Variants in SPNS2 observed in about 807,000 individuals in gnomAD.
The protein encoded by SPNS2 is sphingosine-1-phosphate transporter SPNS2.
A neutral mutation model predicts 57.6 loss-of-function variants in SPNS2; 37 were observed. The ratio of observed to expected loss-of-function variants is 0.64; its 90% CI spans 0.49 to 0.85. The LOEUF is 0.85. SPNS2 is among the 40% of genes least tolerant of loss of function. The pLI, the probability that SPNS2 is intolerant of heterozygous loss-of-function variation, is 0.00. For missense variants in SPNS2, 831 were observed against 779.1 expected (o/e 1.07, Z -0.79); for synonymous variants, 440 against 346.9 (o/e 1.27, Z -2.98).
At chr17:4,536,030 G>A (rs372928162) in intron 9 of SPNS2, 46 bp from the exon 10 acceptor site, 51 of 1,566,714 alleles carry the variant, frequency 3.3e-5, no homozygotes, top group Admixed American at 5.1e-5. Context: ...GGCCAAGCGC[G>A]TGAGCCTTTC....
chr17:4,521,941 G>A (rs530608274), intron 2 of SPNS2, among the ~76,000 whole-genome samples: 53 of 152,354 alleles, frequency 3.5e-4, no homozygotes, highest in African/African-American at 1.2e-3. Flanking sequence ...GCTCACCCCT[G>A]TAATCCCAGC....
chr17:4,504,173 C>A (rs1258812149), intron 1 of SPNS2, among the ~76,000 whole-genome samples: 1 of 152,204 alleles, frequency 6.6e-6, no homozygotes, highest in Non-Finnish European at 1.5e-5. Flanking sequence ...GCCTTGCCCT[C>A]TTAGGTGGCC....
intron 12 of SPNS2, 64 bp downstream of exon 12, chr17:4,537,010 A>C: frequency 1.3e-6 from 2 of 1,565,012 alleles, no homozygotes; most frequent in Non-Finnish European, 8.7e-7. Flanking sequence ...GGGTTAGGCA[A>C]CAGGGAGCAC....
chr17:4,535,296 C>T (rs565972152), intron 9 of SPNS2, among the ~76,000 whole-genome samples: 47 of 152,256 alleles, frequency 3.1e-4, no homozygotes, highest in African/African-American at 7.7e-4. Flanking sequence ...TGAGGGTGCC[C>T]GCGGGTGCGA....
intron 5 of SPNS2, among the ~76,000 whole-genome samples, chr17:4,532,332 T>G (rs1905523747): frequency 6.6e-6 from 1 of 152,050 alleles, no homozygotes. Flanking sequence ...GTCCTGCCCC[T>G]GGTCTGGACA....
rs1906047178 is a variant in SPNS2 at position 4,538,923 on chromosome 17, G to A, written c.*1475G>A. On this transcript the variant is annotated 3_prime_UTR_variant, in exon 13 of 13. Transcript: ENST00000329078. The stretch of plus-strand genomic sequence containing the variant: ...CGAGTGTTGCCTCCTCTTCCTTCCG[G>A]AAGCCAAACTGCTCCTTTATTTTTT... The A allele has an allele frequency of 1.3e-6, 1 of 782,572 alleles. No individual in the cohort carries two copies. The highest frequency in any genetic ancestry group is 2.4e-5 in the East Asian group (1 of 41,264). The allele number at this position is 782,572 out of a possible 1,614,324, so 48.5% of individuals were successfully genotyped here.
In SPNS2 at chr17:4,499,346, G is replaced by A. The variant is rs1286904963; in HGVS notation, c.299G>A (p.Gly100Glu). ...CCCAAACCGGCCAGCTTGGGCCGCG[G>A]GCGGGGGGCAGCCGCCGCCATCCTC... is the stretch of plus-strand genomic sequence containing the variant. Reference protein sequence around the residue: ...QQPKPASLGRGRGAAAAILSL... With the variant: ...QQPKPASLGRERGAAAAILSL... Residue 100 changes from glycine (G) to glutamate (E), a missense_variant, in exon 1 of 13, where the codon GGG becomes GAG. Around this residue, in one of 2 missense-constraint regions of SPNS2, gnomAD observed 305 missense variants for 378.3 expected, o/e 0.81. Coordinates refer to ENST00000329078, the MANE Select transcript of SPNS2 (RefSeq NM_001124758.3). This position sits in a 1 kb window ranked among gnomAD's most constrained non-coding sequence, Gnocchi z 5.2. 4 of 1,456,990 alleles carry A rather than the reference G, an allele frequency of 2.7e-6. No homozygotes were observed. The African/African-American group carries it at 4.4e-5, about 16-fold the overall frequency. 90.3% of individuals were successfully genotyped at this position (1,456,990 alleles called of 1,614,324 possible).
At chr17:4,532,879 G>A (rs1191720210) in intron 6 of SPNS2, 98 bp from the exon 7 acceptor site, 46 of 1,506,632 alleles carry the variant, frequency 3.1e-5, no homozygotes, top group Admixed American at 2.8e-4. Context: ...CCTGTAAGAC[G>A]AGGCATTTGG....
intron 2 of SPNS2, among the ~76,000 whole-genome samples, chr17:4,513,631 C>T (rs540428279): frequency 5.9e-5 from 9 of 152,308 alleles, no homozygotes; most frequent in Admixed American, 5.2e-4. Flanking sequence ...GATCCAGGCT[C>T]CCTCCTGAGG....
intron 2 of SPNS2, among the ~76,000 whole-genome samples, chr17:4,523,954 A>C (rs1905203778): frequency 6.6e-6 from 1 of 152,148 alleles, no homozygotes; most frequent in Non-Finnish European, 1.5e-5. Flanking sequence ...TATCCCAAAC[A>C]CCTAAAACGG....
intron 9 of SPNS2, 41 bp from the exon 10 acceptor site, chr17:4,536,034 GC>G: frequency 6.3e-7 from 1 of 1,576,976 alleles, no homozygotes; most frequent in Middle Eastern, 2.0e-4. Flanking sequence ...AAGCGCGTGA[GC>G]CTTTCTCCTC....
In SPNS2 at chr17:4,536,114, C is replaced by G. The variant is rs1425678678; in HGVS notation, c.1383C>G (p.Ala461=). Residue 461 remains alanine (A), a synonymous_variant, in exon 10 of 13, where the codon GCC becomes GCG. Transcript: ENST00000329078. The stretch of plus-strand genomic sequence containing the variant: ...CCACGCGGCGCGCCACTGCCGTGGC[C>G]TTGCAGAGCTTCACCTCCCACCTGC... The part of the protein sequence containing the change: ...VIPTRRATAV[A]LQSFTSHLLG... The G allele has an allele frequency of 1.2e-6, 2 of 1,612,514 alleles. No individual in the cohort carries two copies. The highest frequency in any genetic ancestry group is 1.7e-6 in the Non-Finnish European group (2 of 1,179,844).
At chr17:4,534,656 A>C (rs1258746789) in intron 9 of SPNS2, among the ~76,000 whole-genome samples, 1 of 152,028 alleles carries the variant, frequency 6.6e-6, no homozygotes, top group Non-Finnish European at 1.5e-5. Flanking sequence ...CCCCACCCTG[A>C]GCCTCCGGGC....
intron 1 of SPNS2, among the ~76,000 whole-genome samples, chr17:4,507,503 A>T (rs1904714056): frequency 6.6e-6 from 1 of 152,194 alleles, no homozygotes; most frequent in South Asian, 2.1e-4. Flanking sequence ...ACCTACTTAA[A>T]CCTCACAACA....
chr17:4,531,161 A>C (rs1451305643), intron 5 of SPNS2, 42 bp downstream of exon 5: 2 of 1,599,386 alleles, frequency 1.3e-6, no homozygotes, highest in Non-Finnish European at 1.7e-6. Flanking sequence ...CCTCCGGTCC[A>C]GACCTCGCCC....
At chr17:4,530,924 TCTC>T (rs1905438873) in intron 4 of SPNS2, 126 bp from the exon 5 acceptor site, 21 of 1,453,508 alleles carry the variant, frequency 1.4e-5, no homozygotes, top group Non-Finnish European at 1.9e-5. Context: ...CCTTTGAGAA[TCTC>T]CTGGACCTGC....
chr17:4,536,869 C>A, intron 11 of SPNS2, 31 bp from the exon 12 acceptor site: 1 of 1,608,706 alleles, frequency 6.2e-7, no homozygotes, highest in Non-Finnish European at 8.5e-7. Flanking sequence ...CGCTGATGCA[C>A]CACCCTGACC....
At position 4,510,625 on chromosome 17, in the gene SPNS2, G is replaced by A. The variant is rs940339644; in HGVS notation, c.371-2622G>A. 1.2e-4 allele frequency among the ~76,000 whole-genome samples: 19 copies of A among 152,162 alleles called. No homozygotes were observed. The highest frequency in any genetic ancestry group is 2.4e-4 in the Non-Finnish European group (16 of 68,026). On this transcript the variant is annotated intron_variant, in intron 1 of 12. Transcript: ENST00000329078. This position sits in a 1 kb window ranked among gnomAD's most constrained non-coding sequence, Gnocchi z 4.4. Reference sequence around the variant, plus strand: ...AGAAATGGAACCTGCAGTTACTGCAGACCCGTGTCCCTCCTCTGGACTATG... The same window carrying A: ...AGAAATGGAACCTGCAGTTACTGCAAACCCGTGTCCCTCCTCTGGACTATG...
intron 3 of SPNS2, among the ~76,000 whole-genome samples, chr17:4,526,773 T>C (rs1224796912): frequency 6.6e-6 from 1 of 152,172 alleles, no homozygotes; most frequent in Non-Finnish European, 1.5e-5. Flanking sequence ...GGGTCAGATT[T>C]GGGTTGATGG....
Sources: allele counts gnomAD v4.1 joint callset (sites outside exome capture counted in the v4.1 genomes callset), GRCh38; gene constraint gnomAD v4.1.1; regional missense constraint gnomAD v4.1.1; non-coding constraint Gnocchi (gnomAD v3.1); transcripts MANE v1.5; gene names NCBI Gene and HGNC (gene_info 2026-07-23, HGNC 2026-07-21).